Variants in MSH5 observed in about 807,000 individuals in gnomAD.
MSH5 encodes the protein mutS protein homolog 5.
Under a neutral mutation model 107.7 loss-of-function variants are expected in MSH5, and 78 were observed. The ratio of observed to expected loss-of-function variants is 0.72; its 90% confidence interval spans 0.60 to 0.87. The LOEUF is 0.87. Ranked by LOEUF, MSH5 falls within the 40% of genes least tolerant of loss-of-function variation. The pLI is 0.00. For synonymous variants in MSH5, 326 were observed against 399.5 expected (o/e 0.82, Z 2.19); for missense variants, 889 against 1,046.6 (o/e 0.85, Z 2.08).
chr6:31,761,787 G>A lies in MSH5; in HGVS notation c.2182-31G>A, dbSNP rs748177082. The A allele has an allele frequency of 1.9e-6, 3 of 1,613,074 alleles. No individual in the cohort carries two copies. Among genetic ancestry groups the A allele is most frequent in the Admixed American group, 3.3e-5 (2 of 60,032 alleles). ...GTTTCAGGACAGGAAGGAGGTGATT[G>A]ATGATACACTGTCTTTTATTCTCTT... is the stretch of plus-strand genomic sequence containing the variant. On this transcript the variant is annotated intron_variant, in intron 22 of 24. Coordinates refer to ENST00000375750, the MANE Select transcript of MSH5 (RefSeq NM_172166.4). The surrounding 1 kb of genome is among the most constrained non-coding windows in gnomAD (Gnocchi z 5.3).
intron 10 of MSH5, chr6:31,751,595 C>T (rs1432844933): frequency 1.3e-5 from 2 of 151,636 alleles, no homozygotes; most frequent in East Asian, 3.9e-4. Flanking sequence ...GAGATCGCAC[C>T]ACTGCACTCC....
chr6:31,755,115 T>C (rs1244359438), intron 12 of MSH5, among the ~76,000 whole-genome samples: 1 of 152,084 alleles, frequency 6.6e-6, no homozygotes, highest in Non-Finnish European at 1.5e-5. Flanking sequence ...ATTGTTATCT[T>C]ACTTTAAAAA....
At position 31,761,548 on chromosome 6, in the gene MSH5, T is replaced by A. The variant is rs1810997889; in HGVS notation, c.2114T>A (p.Val705Glu). Residue 705 changes from valine to glutamate, a missense_variant, in exon 22 of 25, where the codon GTG becomes GAG. This residue lies in a region of MSH5 where 362 missense variants were observed against 456.2 expected (regional missense o/e 0.79). Transcript: ENST00000375750. The surrounding 1 kb of genome is among the most constrained non-coding windows in gnomAD (Gnocchi z 5.3). The stretch of plus-strand genomic sequence containing the variant: ...GGACCCACATGCCCCCACATCTTTG[T>A]GGCCACCAACTTTCTGAGCCTTGTT... ...ARGPTCPHIF[V>E]ATNFLSLVQL... The A allele has an allele frequency of 1.2e-6, 2 of 1,613,860 alleles. No homozygotes were observed. Among genetic ancestry groups the A allele is most frequent in the African/African-American group, 2.7e-5 (2 of 74,940 alleles).
Position 31,744,286 on chromosome 6 carries a change from A to C in MSH5, c.634A>C (p.Lys212Gln). 1 of 1,614,142 alleles carries C rather than the reference A, an allele frequency of 6.2e-7. No homozygotes were observed. The highest frequency in any genetic ancestry group is 8.5e-7 in the Non-Finnish European group (1 of 1,180,028). ...YNVSVPILGF[K>Q]KFMLTHLVNI... ...TGTCAGCGTCCCCATCCTGGGCTTT[A>C]AGAAATTTATGTTGTAGGTGATTCA... The change falls in exon 7 of 25, where the codon AAG (lysine) becomes CAG (glutamine). Residue 212 changes from lysine to glutamine, a missense_variant. By Grantham distance (53) the Lys-to-Gln change is moderately conservative (BLOSUM62 1). Transcript: ENST00000375750.
At position 31,744,219 on chromosome 6, in the gene MSH5, C is replaced by T; in HGVS notation, c.567C>T (p.Phe189=). ...TVRALGGLLK[F]LGRRRIGVEL... is the part of the protein sequence containing the mutation. ...GAGCACTTGGAGGGCTGCTGAAGTTCCTGGGTCGAAGAAGAATCGGGGTTG... is the reference window on the plus strand; with the variant it reads ...GAGCACTTGGAGGGCTGCTGAAGTTTCTGGGTCGAAGAAGAATCGGGGTTG... The change falls in exon 7 of 25, where the codon TTC becomes TTT. Residue 189 remains phenylalanine, a synonymous_variant. Transcript: ENST00000375750. 6.2e-7 allele frequency: 1 copy of T among 1,613,744 alleles called. No individual in the cohort carries two copies. Among genetic ancestry groups the T allele is most frequent in the Non-Finnish European group, 8.5e-7 (1 of 1,179,794 alleles).
Position 31,759,711 on chromosome 6 carries a change from C to A in MSH5, c.1496-75C>A. 1.3e-6 allele frequency: 2 copies of A among 1,506,362 alleles called. No individual in the cohort carries two copies. The highest frequency in any genetic ancestry group is 1.8e-6 in the Non-Finnish European group (2 of 1,103,996). 93.3% of individuals were successfully genotyped at this position (1,506,362 alleles called of 1,614,324 possible). A position where few individuals can be genotyped will look rare whatever the true frequency, so the allele number is the denominator to read the frequency against. ...TTGTATCTGCAACCTGTTTCCAGAT[C>A]CCCCTAGGGGCCTCTGCCTCTCCTT... On this transcript the variant is annotated intron_variant, in intron 17 of 24. Coordinates refer to ENST00000375750, the MANE Select transcript of MSH5 (RefSeq NM_172166.4). This position sits in a 1 kb window ranked among gnomAD's most constrained non-coding sequence, Gnocchi z 4.7.
chr6:31,754,625 C>A (rs867931069), intron 12 of MSH5, among the ~76,000 whole-genome samples: 2 of 152,264 alleles, frequency 1.3e-5, no homozygotes, highest in South Asian at 4.1e-4. Flanking sequence ...AATCCTCCCA[C>A]CTTAGCCTCC....
intron 3 of MSH5, 44 bp from the exon 4 acceptor site, chr6:31,742,833 G>A (rs1453306479): frequency 2.5e-6 from 4 of 1,593,112 alleles, no homozygotes; most frequent in Non-Finnish European, 3.4e-6. Flanking sequence ...CTTAGTCAAA[G>A]ACAAAGATCC....
intron 10 of MSH5, among the ~76,000 whole-genome samples, chr6:31,749,385 T>C (rs1809754493): frequency 6.6e-6 from 1 of 151,914 alleles, no homozygotes; most frequent in South Asian, 2.1e-4. Context: ...CTACCGAAAA[T>C]ACAAAAATTA....
rs770730981 is a variant in MSH5, at chr6:31,759,353, G to A, written c.1408-72G>A. ...AAGTCAGAGTTAGGGGCTGGAGGTG[G>A]GGTTAGAAAGATGGGGAAGGAGAGG... On this transcript the variant is annotated intron_variant, in intron 16 of 24. Transcript: ENST00000375750. This position sits in a 1 kb window ranked among gnomAD's most constrained non-coding sequence, Gnocchi z 4.7. 203 of 1,515,864 alleles carry A rather than the reference G, an allele frequency of 1.3e-4. No homozygotes were observed. The highest frequency in any genetic ancestry group is 1.8e-4 in the Middle Eastern group (1 of 5,690). 93.9% of individuals were successfully genotyped at this position (1,515,864 alleles called of 1,614,324 possible).
chr6:31,740,548 G>T lies in MSH5; in HGVS notation c.82G>T (p.Ala28Ser). ...GGCCTCCTCCGGCTTCCCCAGCCCGGCCCCAGTGCCGGGCCCCAGGGAGGC... is the reference window on the plus strand; with the variant it reads ...GGCCTCCTCCGGCTTCCCCAGCCCGTCCCCAGTGCCGGGCCCCAGGGAGGC... ...GAASSGFPSP[A>S]PVPGPREAEE... Residue 28 changes from alanine (A) to serine (S), a missense_variant, in exon 2 of 25, where the codon GCC becomes TCC. This residue lies in a region of MSH5 where 518 missense variants were observed against 565.0 expected (regional missense o/e 0.92). Transcript: ENST00000375750. This position sits in a 1 kb window ranked among gnomAD's most constrained non-coding sequence, Gnocchi z 4.4. 1 of 1,528,950 alleles carries T rather than the reference G, an allele frequency of 6.5e-7. No homozygotes were observed. Among genetic ancestry groups the T allele is most frequent in the African/African-American group, 1.4e-5 (1 of 70,852 alleles). 94.7% of individuals were successfully genotyped at this position (1,528,950 alleles called of 1,614,324 possible). A position where few individuals can be genotyped will look rare whatever the true frequency, so the allele number is the denominator to read the frequency against.
intron 12 of MSH5, among the ~76,000 whole-genome samples, chr6:31,756,188 T>C (rs977380329): frequency 5.3e-5 from 8 of 152,336 alleles, no homozygotes; most frequent in African/African-American, 1.9e-4. Context: ...ATTTATTTAG[T>C]TTGAGGTGAG....
chr6:31,740,578 G>T lies in MSH5; in HGVS notation c.112G>T (p.Glu38Ter). ...AGTGCCGGGCCCCAGGGAGGCCGAGGAGGAGGAAGTCGAGGAGGAGGAGGA... is the reference window on the plus strand; with the variant it reads ...AGTGCCGGGCCCCAGGGAGGCCGAGTAGGAGGAAGTCGAGGAGGAGGAGGA... The part of the protein sequence containing the change: ...APVPGPREAE[E>*]EEVEEEEELA... The change falls in exon 2 of 25, where the codon GAG (glutamate) becomes TAG (stop). Residue 38 changes from glutamate to a stop codon, truncating the protein, a stop_gained. Coordinates refer to ENST00000375750, the MANE Select transcript of MSH5 (RefSeq NM_172166.4). LOFTEE classifies it high-confidence loss of function. This position sits in a 1 kb window ranked among gnomAD's most constrained non-coding sequence, Gnocchi z 4.4. 2 of 1,513,842 alleles carry T rather than the reference G, an allele frequency of 1.3e-6. No homozygotes were observed. Among genetic ancestry groups the T allele is most frequent in the Non-Finnish European group, 1.8e-6 (2 of 1,133,664 alleles). 93.8% of individuals were successfully genotyped at this position (1,513,842 alleles called of 1,614,324 possible). A position where few individuals can be genotyped will look rare whatever the true frequency, so the allele number is the denominator to read the frequency against.
chr6:31,755,607 C>T (rs1810383284), intron 12 of MSH5, among the ~76,000 whole-genome samples: 1 of 152,146 alleles, frequency 6.6e-6, no homozygotes, highest in Admixed American at 6.6e-5. Context: ...GATGATCTGC[C>T]TGCCCCGGCC....
At chr6:31,755,346 A>ATTTATTTT (rs1182986756) in intron 12 of MSH5, among the ~76,000 whole-genome samples, 1 of 125,118 alleles carries the variant, frequency 8.0e-6, no homozygotes, top group Non-Finnish European at 1.9e-5. Context: ...GCATTTATTT[A>ATTTATTTT]TTTATTTATT....
At chr6:31,743,434 TTTA>T (rs538766895) in intron 5 of MSH5, 2 of 545,404 alleles carry the variant, frequency 3.7e-6, no homozygotes, top group South Asian at 5.1e-5. Flanking sequence ...TGGACAGGGT[TTTA>T]TTGTTGGAAT....
intron 5 of MSH5, 62 bp downstream of exon 5, chr6:31,743,232 T>C (rs1562218288): frequency 6.6e-7 from 1 of 1,521,920 alleles, no homozygotes; most frequent in African/African-American, 1.4e-5. Context: ...TTCCCCCAAC[T>C]CTACCTTCAT....
chr6:31,755,981 A>G (rs970017440), intron 12 of MSH5, among the ~76,000 whole-genome samples: 2 of 148,112 alleles, frequency 1.4e-5, no homozygotes, highest in Non-Finnish European at 3.0e-5. Flanking sequence ...TTTTTGGCAC[A>G]TTTCTCTCTC....
chr6:31,741,565 G>A (rs1345805749), intron 3 of MSH5, among the ~76,000 whole-genome samples: 1 of 151,980 alleles, frequency 6.6e-6, no homozygotes, highest in Non-Finnish European at 1.5e-5. Context: ...TGTGTTTTTA[G>A]CACAGACGGT....
Sources: gnomAD v4.1 joint callset for allele counts (sites outside exome capture counted in the v4.1 genomes callset) on GRCh38, gnomAD v4.1.1 for gene constraint, gnomAD v4.1.1 regional missense constraint, Gnocchi (gnomAD v3.1) non-coding constraint, MANE v1.5 for transcripts, NCBI Gene and HGNC (gene_info 2026-07-23, HGNC 2026-07-21) for gene names.